The following PCDHGA1 variants were observed in gnomAD, a reference collection of about 807,000 sequenced individuals.
PCDHGA1 encodes protocadherin gamma subfamily A, 1, also known as protocadherin gamma-A1.
PCDHGA1 carries 32 observed loss-of-function variants against 58.0 expected under a neutral mutation model. The observed-to-expected ratio is 0.55, with a 90% CI of 0.42 to 0.74. The LOEUF (loss-of-function observed/expected upper bound fraction) is 0.74, where lower values mean the gene tolerates loss of function less well. Ranked by LOEUF, PCDHGA1 falls within the 30% of genes least tolerant of loss-of-function variation. The pLI, the probability that PCDHGA1 is intolerant of heterozygous loss-of-function variation, is 0.00. For synonymous variants in PCDHGA1, 498 were observed against 501.1 expected, an observed-to-expected ratio of 0.99 and a Z score of 0.08; for missense variants, 1,205 against 1,182.3, an observed-to-expected ratio of 1.02 and a Z score of -0.28.
At position 141,487,051 on chromosome 5, in the gene PCDHGA1, G is replaced by A. The variant is rs1348441475; in HGVS notation, c.2422-7756G>A. The A allele has an allele frequency of 3.7e-6, 6 of 1,614,024 alleles. No individual in the cohort carries two copies. The highest frequency in any genetic ancestry group is 5.1e-6 in the Non-Finnish European group (6 of 1,180,024). On this transcript the variant is annotated intron_variant, in intron 1 of 3. Coordinates refer to ENST00000517417, the MANE Select transcript of PCDHGA1 (RefSeq NM_018912.3). This position sits in a 1 kb window ranked among gnomAD's most constrained non-coding sequence, Gnocchi z 5.0. ...TGTTTGCAGTCTCTCGATATGCTGG[G>A]GAGGTGCGGACGGCTGTTCCTATCC... is the stretch of plus-strand genomic sequence containing the variant.
chr5:141,459,510 T>G (rs1449866159), intron 1 of PCDHGA1, among the ~76,000 whole-genome samples: 1 of 152,252 alleles, frequency 6.6e-6, no homozygotes, highest in Non-Finnish European at 1.5e-5. Context: ...TGAACAATCA[T>G]GTACAAGTAT....
intron 1 of PCDHGA1, chr5:141,409,838 G>T: frequency 6.2e-7 from 1 of 1,611,532 alleles, no homozygotes; most frequent in Non-Finnish European, 8.5e-7. Context: ...CAGCGCCAAC[G>T]TGAGCCTGCG....
In PCDHGA1 at chr5:141,344,057, A is replaced by T. The variant is rs1407517095; in HGVS notation, c.2421+10952A>T. 3.2e-6 allele frequency: 5 copies of T among 1,560,120 alleles called. No individual in the cohort carries two copies. The East Asian group carries it at 1.1e-4, about 36-fold the overall frequency. On this transcript the variant is annotated intron_variant, in intron 1 of 3. Transcript: ENST00000517417. ...AAATGACCAATTGCCTGAGTTTCCG[A>T]AATGGCAGAGGACTGGCCCTGCTGT...
intron 1 of PCDHGA1, chr5:141,422,094 T>C: frequency 1.2e-6 from 2 of 1,610,648 alleles, no homozygotes; most frequent in Non-Finnish European, 1.7e-6. Flanking sequence ...AAAGCAAGGC[T>C]TCTGAAATAT....
intron 1 of PCDHGA1, chr5:141,423,372 C>G: frequency 6.2e-7 from 1 of 1,614,178 alleles, no homozygotes; most frequent in Non-Finnish European, 8.5e-7. Context: ...TGCTGGCACT[C>G]AGGCTGTGGC....
At chr5:141,379,328 C>T (rs1775531814) in intron 1 of PCDHGA1, 1 of 152,184 alleles carries the variant, frequency 6.6e-6, no homozygotes, top group African/African-American at 2.4e-5. Flanking sequence ...TAATCATACA[C>T]ATCTTCAAAG....
At chr5:141,422,501 CCA>C in intron 1 of PCDHGA1, 1 of 1,613,928 alleles carries the variant, frequency 6.2e-7, no homozygotes, top group African/African-American at 1.3e-5. Flanking sequence ...ACGTTGACAG[CCA>C]CAGACCAGGG....
At chr5:141,354,969 T>C in intron 1 of PCDHGA1, 1 of 516,794 alleles carries the variant, frequency 1.9e-6, no homozygotes, top group Non-Finnish European at 3.2e-6. Context: ...GTTAAGACTC[T>C]GGGTGTCGCT....
At chr5:141,427,440 G>A (rs747459662) in intron 1 of PCDHGA1, 1 of 477,484 alleles carries the variant, frequency 2.1e-6, no homozygotes, top group South Asian at 1.5e-5. Flanking sequence ...CCTCATAAAC[G>A]AAAGAGTTCC....
rs1756393675 is a variant in PCDHGA1 at position 141,332,187 on chromosome 5, A to G, written c.1503A>G (p.Leu501=). The part of the protein sequence containing the change: ...LIEDTIQGAP[L]SAYLSINSDT... ...AGGACACTATCCAGGGGGCACCCCT[A>G]TCTGCCTACCTCTCCATCAACTCCG... The change falls in exon 1 of 4, where the codon CTA becomes CTG. Residue 501 remains leucine (L), a synonymous_variant. Coordinates refer to ENST00000517417, the MANE Select transcript of PCDHGA1 (RefSeq NM_018912.3). This position sits in a 1 kb window ranked among gnomAD's most constrained non-coding sequence, Gnocchi z 4.6. The G allele has an allele frequency of 6.2e-7, 1 of 1,614,218 alleles. No individual in the cohort carries two copies. Among genetic ancestry groups the G allele is most frequent in the Non-Finnish European group, 8.5e-7 (1 of 1,180,032 alleles).
rs2099615088 is a variant in PCDHGA1, at chr5:141,485,526, G to A, written c.2422-9281G>A. On this transcript the variant is annotated intron_variant, in intron 1 of 3. Coordinates refer to ENST00000517417, the MANE Select transcript of PCDHGA1 (RefSeq NM_018912.3). The surrounding 1 kb of genome is among the most constrained non-coding windows in gnomAD (Gnocchi z 5.7). Reference sequence around the variant, plus strand: ...ACCGAAGGTCCTTTGGAAATGTACCGAGCAGAGGTAGAGATCGTAGATGTG... The same window carrying A: ...ACCGAAGGTCCTTTGGAAATGTACCAAGCAGAGGTAGAGATCGTAGATGTG... 6.2e-7 allele frequency: 1 copy of A among 1,614,154 alleles called. No individual in the cohort carries two copies. The highest frequency in any genetic ancestry group is 2.2e-5 in the East Asian group (1 of 44,880).
chr5:141,366,765 T>C (rs373961637), intron 1 of PCDHGA1: 83 of 1,604,590 alleles, frequency 5.2e-5, no homozygotes, highest in Non-Finnish European at 6.9e-5. Flanking sequence ...AGTTTTCTCT[T>C]TCGGTAAGGA....
rs1673656240 is a variant in PCDHGA1, at chr5:141,345,285, T to C, written c.2421+12180T>C. On this transcript the variant is annotated intron_variant, in intron 1 of 3. Transcript: ENST00000517417. ...CCTGGACCGCGAACAAATATCAGAATATAACATTAGTCTGAGAGCCTCAGA... is the reference window on the plus strand; with the variant it reads ...CCTGGACCGCGAACAAATATCAGAACATAACATTAGTCTGAGAGCCTCAGA... The C allele has an allele frequency of 6.2e-7, 1 of 1,613,916 alleles. No individual in the cohort carries two copies. The highest frequency in any genetic ancestry group is 8.5e-7 in the Non-Finnish European group (1 of 1,179,880).
chr5:141,413,524 A>T lies in PCDHGA1; in HGVS notation c.2421+80419A>T, dbSNP rs772774054. The T allele has an allele frequency of 9.3e-6, 15 of 1,613,856 alleles. No individual in the cohort carries two copies. In the Admixed American group the frequency reaches 2.5e-4, roughly 27 times the overall value. ...GAGTTTTAATATCCTTGTGGAAGACAGGGTGAAACTTTTTGGGATAGAAAT... is the reference window on the plus strand; with the variant it reads ...GAGTTTTAATATCCTTGTGGAAGACTGGGTGAAACTTTTTGGGATAGAAAT... On this transcript the variant is annotated intron_variant, in intron 1 of 3. Coordinates refer to ENST00000517417, the MANE Select transcript of PCDHGA1 (RefSeq NM_018912.3).
chr5:141,437,756 T>A (rs1208576922), intron 1 of PCDHGA1, among the ~76,000 whole-genome samples: 1 of 151,718 alleles, frequency 6.6e-6, no homozygotes, highest in Non-Finnish European at 1.5e-5. Flanking sequence ...TTTTTTTTTT[T>A]GAGACAGAGT....
rs1418271960 is a variant in PCDHGA1 at position 141,372,958 on chromosome 5, T to C, written c.2421+39853T>C. ...AGTAGGGTGTCTAGGAAATTCTTTG[T>C]AGAATTTCCTGTAGAATATCTGTGT... On this transcript the variant is annotated intron_variant, in intron 1 of 3. Transcript: ENST00000517417. 8.4e-6 allele frequency: 6 copies of C among 710,456 alleles called. No individual in the cohort carries two copies. The Middle Eastern group carries it at 1.1e-3, about 132-fold the overall frequency. The allele number at this position is 710,456 out of a possible 1,614,324, so 44.0% of individuals were successfully genotyped here. A position where few individuals can be genotyped will look rare whatever the true frequency, so the allele number is the denominator to read the frequency against.
chr5:141,433,176 T>A, intron 1 of PCDHGA1: 1 of 1,610,288 alleles, frequency 6.2e-7, no homozygotes, highest in Non-Finnish European at 8.5e-7. Flanking sequence ...AGTCATGGGT[T>A]AATTGAGGTG....
intron 3 of PCDHGA1, among the ~76,000 whole-genome samples, chr5:141,509,776 C>T (rs898626809): frequency 7.2e-5 from 11 of 152,140 alleles, no homozygotes; most frequent in African/African-American, 9.7e-5. Context: ...GTCTAGTCCC[C>T]GAGATCATCA....
At chr5:141,414,143 T>C (rs887054185) in intron 1 of PCDHGA1, 1 of 1,597,122 alleles carries the variant, frequency 6.3e-7, no homozygotes, top group Non-Finnish European at 8.5e-7. Flanking sequence ...GAAATAGAAA[T>C]ACAAGCAGAA....
Sources: allele counts gnomAD v4.1 joint callset (sites outside exome capture counted in the v4.1 genomes callset), GRCh38; gene constraint gnomAD v4.1.1; non-coding constraint Gnocchi (gnomAD v3.1); transcripts MANE v1.5; gene names NCBI Gene and HGNC (gene_info 2026-07-23, HGNC 2026-07-21).